The following GLT1D1 variants were observed in gnomAD, a reference collection of about 807,000 sequenced individuals.
GLT1D1 encodes glycosyltransferase 1 domain-containing protein 1.
A neutral mutation model predicts 28.7 loss-of-function variants in GLT1D1; 21 were observed. The observed-to-expected ratio is 0.73, with a 90% confidence interval of 0.52 to 1.05. The LOEUF (loss-of-function observed/expected upper bound fraction) is 1.05. Among genes scored for constraint, GLT1D1 ranks in the 50% least tolerant of loss-of-function variants. The probability of loss-of-function intolerance (pLI) is 0.00; values close to 1 mark genes in which losing one functional copy is unlikely to be tolerated. For missense variants in GLT1D1, 343 were observed against 330.6 expected (o/e 1.04, Z -0.29); for synonymous variants, 147 against 124.8 (o/e 1.18, Z -1.19).
At chr12:128,913,144 T>C (rs902803619) in intron 4 of GLT1D1, among the ~76,000 whole-genome samples, 1 of 152,210 alleles carries the variant, frequency 6.6e-6, no homozygotes, top group Admixed American at 6.5e-5. Context: ...TTCATACTCC[T>C]CCTTCCTCCC....
intron 1 of GLT1D1, among the ~76,000 whole-genome samples, chr12:128,854,959 A>G (rs764921548): frequency 3.3e-5 from 5 of 152,154 alleles, no homozygotes; most frequent in African/African-American, 4.8e-5. Context: ...GCAGGTTTCT[A>G]TTAAATAGGT....
At chr12:128,941,412 T>A (rs1262261129) in intron 4 of GLT1D1, among the ~76,000 whole-genome samples, 1 of 150,784 alleles carries the variant, frequency 6.6e-6, no homozygotes, top group Non-Finnish European at 1.5e-5. Context: ...TGGGTGGTTG[T>A]CAAATTGTCC....
At chr12:128,888,840 G>T (rs1039072490) in intron 3 of GLT1D1, 96 bp downstream of exon 3, 2 of 787,894 alleles carry the variant, frequency 2.5e-6, no homozygotes, top group African/African-American at 1.7e-5. Flanking sequence ...TGCCGGGAAG[G>T]TTTACATCTT....
At chr12:128,945,444 T>A (rs1037022686) in intron 5 of GLT1D1, 75 bp downstream of exon 9, 2 of 1,151,964 alleles carry the variant, frequency 1.7e-6, no homozygotes, top group Admixed American at 3.4e-5. Flanking sequence ...GAACTCACAT[T>A]TATCCAGTCC....
chr12:128,968,434 G>A (rs915313578), intron 7 of GLT1D1, among the ~76,000 whole-genome samples: 1 of 151,788 alleles, frequency 6.6e-6, no homozygotes, highest in East Asian at 2.0e-4. Context: ...ACTTTGGGAG[G>A]CTGAGGCAGG....
At chr12:128,915,059 A>G (rs1871964303) in intron 4 of GLT1D1, 70 bp downstream of exon 6, 2 of 1,258,036 alleles carry the variant, frequency 1.6e-6, no homozygotes, top group African/African-American at 3.0e-5. Context: ...GGAGCTTGTG[A>G]CGTTCATGCG....
intron 4 of GLT1D1, among the ~76,000 whole-genome samples, chr12:128,932,513 T>G (rs185391341): frequency 3.9e-5 from 6 of 152,306 alleles, no homozygotes; most frequent in Admixed American, 2.6e-4. Context: ...CATCAATTAT[T>G]AAGAATTCTA....
At chr12:128,881,593 T>TATATATATAA in intron 2 of GLT1D1, among the ~76,000 whole-genome samples, 1 of 101,628 alleles carries the variant, frequency 9.8e-6, no homozygotes, top group Non-Finnish European at 1.9e-5. Context: ...TATATATATA[T>TATATATATAA]AAAATTTATA....
At position 128,853,573 on chromosome 12, in the gene GLT1D1, G is replaced by A. The variant is rs1016064678; in HGVS notation, c.-9G>A. The A allele has an allele frequency of 4.6e-5, 51 of 1,113,140 alleles. No homozygotes were observed. Among genetic ancestry groups the A allele is most frequent in the Non-Finnish European group, 5.6e-5 (51 of 909,060 alleles). 69.0% of individuals were successfully genotyped at this position (1,113,140 alleles called of 1,614,324 possible). On this transcript the variant is annotated 5_prime_UTR_variant, in exon 1 of 8. Coordinates refer to ENST00000281703, the MANE Select transcript of GLT1D1 (RefSeq NM_144669.3). ...GGGGCCGGTCGATGGCCCGGGCGGC[G>A]GCGGCGGCATGCGGCTCCTGTTCCT...
intron 5 of GLT1D1, 90 bp from the exon 10 acceptor site, chr12:128,947,248 A>T (rs1005803274): frequency 2.0e-6 from 3 of 1,467,744 alleles, no homozygotes; most frequent in Non-Finnish European, 1.9e-6. Context: ...GATCTAGAGT[A>T]TTACACCCAA....
At chr12:128,947,304 G>A in intron 5 of GLT1D1, 34 bp from the exon 10 acceptor site, 1 of 1,612,948 alleles carries the variant, frequency 6.2e-7, no homozygotes, top group Non-Finnish European at 8.5e-7. Flanking sequence ...GAGATTCTTG[G>A]AATCAGAGCC....
rs772889713 is a variant in GLT1D1 at position 128,957,599 on chromosome 12, G to C, written c.595G>C (p.Val199Leu). ...CAGGAACATCCCCGGGAATGCTGCCGTGGTGAAGCATGAAGTCACAGGGCT... is the reference window on the plus strand; with the variant it reads ...CAGGAACATCCCCGGGAATGCTGCCCTGGTGAAGCATGAAGTCACAGGGCT... Residue 199 changes from valine (V) to leucine (L), a missense_variant, in exon 7 of 8, where the codon GTG becomes CTG. Physicochemically the swap from Val to Leu is conservative, Grantham distance 32. Coordinates refer to ENST00000281703, the MANE Select transcript of GLT1D1 (RefSeq NM_144669.3). The C allele has an allele frequency of 5.1e-5, 82 of 1,613,768 alleles. No individual in the cohort carries two copies. Among genetic ancestry groups the C allele is most frequent in the Non-Finnish European group, 6.0e-5 (71 of 1,179,788 alleles).
At chr12:128,883,589 C>CAAA (rs202021879) in intron 2 of GLT1D1, among the ~76,000 whole-genome samples, 12 of 77,980 alleles carry the variant, frequency 1.5e-4, no homozygotes, top group African/African-American at 4.3e-4. Context: ...GACTCCATCT[C>CAAA]AAAAAAAAAA....
chr12:128,899,748 C>T (rs1870039521), intron 4 of GLT1D1, among the ~76,000 whole-genome samples: 1 of 152,006 alleles, frequency 6.6e-6, no homozygotes, highest in Admixed American at 6.6e-5. Context: ...GATGGGATTT[C>T]ACCACGTTGG....
At chr12:128,947,284 G>C in intron 5 of GLT1D1, 54 bp from the exon 10 acceptor site, 1 of 1,610,492 alleles carries the variant, frequency 6.2e-7, no homozygotes, top group East Asian at 2.2e-5. Context: ...CCTCCCAGCT[G>C]CCTACCCATG....
At chr12:128,945,191 G>T (rs539248077) in intron 4 of GLT1D1, 135 bp from the exon 9 acceptor site, 2 of 874,392 alleles carry the variant, frequency 2.3e-6, no homozygotes, top group Non-Finnish European at 3.8e-6. Flanking sequence ...CGCAGCAGCC[G>T]CGAGGACACC....
rs1332964810 is a variant in GLT1D1 at position 128,889,580 on chromosome 12, A to T, written c.323+836A>T. Among the ~76,000 whole-genome samples, 3 of 152,208 alleles carry T rather than the reference A, an allele frequency of 2.0e-5. No homozygotes were observed. In the East Asian group the frequency reaches 5.8e-4, roughly 29 times the overall value. ...CAGGGTGGGGGAAGTTATTATCCCC[A>T]GTTGAGAATTCCTTCCAGCGCTGTA... On this transcript the variant is annotated intron_variant, in intron 3 of 7. Coordinates refer to ENST00000281703, the MANE Select transcript of GLT1D1 (RefSeq NM_144669.3).
intron 2 of GLT1D1, among the ~76,000 whole-genome samples, chr12:128,882,230 A>C (rs1179496849): frequency 2.0e-5 from 3 of 152,118 alleles, no homozygotes. Context: ...ATAGCACATT[A>C]ACAACATTAA....
intron 3 of GLT1D1, among the ~76,000 whole-genome samples, chr12:128,896,869 G>A (rs966310266): frequency 5.9e-5 from 9 of 152,066 alleles, no homozygotes; most frequent in African/African-American, 2.2e-4. Context: ...ACACCACAGG[G>A]AAAAATCTGT....
Sources: allele counts gnomAD v4.1 joint callset (sites outside exome capture counted in the v4.1 genomes callset), GRCh38; gene constraint gnomAD v4.1.1; transcripts MANE v1.5; gene names NCBI Gene and HGNC (gene_info 2026-07-23, HGNC 2026-07-21).